Variants in KCNB2 observed in about 807,000 individuals in gnomAD.
The protein encoded by KCNB2 is potassium voltage-gated channel subfamily B member 2, also known as delayed rectifier potassium channel protein.
Under a neutral mutation model 61.5 loss-of-function variants are expected in KCNB2, and 15 were observed. The ratio of observed to expected loss-of-function variants is 0.24; its 90% CI spans 0.16 to 0.38. The LOEUF (loss-of-function observed/expected upper bound fraction) is 0.38, where lower values mean the gene tolerates loss of function less well. KCNB2 is among the 10% of genes least tolerant of loss of function. KCNB2 has a pLI of 1.00. For missense variants in KCNB2, 828 were observed against 1,125.2 expected (o/e 0.74, Z 3.78); for synonymous variants, 457 against 446.0 (o/e 1.02, Z -0.31).
At chr8:72,580,802 T>G (rs1806879647) in intron 2 of KCNB2, among the ~76,000 whole-genome samples, 1 of 152,210 alleles carries the variant, frequency 6.6e-6, no homozygotes, top group Admixed American at 6.5e-5. Flanking sequence ...ACTATTGTTG[T>G]AAGTCATGAA....
intron 2 of KCNB2, among the ~76,000 whole-genome samples, chr8:72,843,559 G>T (rs10088069): frequency 0.85 from 129,728 of 152,082 alleles, 56,287 homozygotes; most frequent in Middle Eastern, 0.97. Flanking sequence ...CACTCTTATT[G>T]TGTGCAAGTC....
chr8:72,886,639 T>C (rs1805811134), intron 2 of KCNB2, among the ~76,000 whole-genome samples: 1 of 152,202 alleles, frequency 6.6e-6, no homozygotes. Flanking sequence ...ACCCCTGAGC[T>C]CATTCAGCTT....
At chr8:72,604,615 T>C (rs1242355230) in intron 2 of KCNB2, among the ~76,000 whole-genome samples, 1 of 152,240 alleles carries the variant, frequency 6.6e-6, no homozygotes, top group African/African-American at 2.4e-5. Flanking sequence ...AAAAATCACC[T>C]AATGAAGTGT....
At chr8:72,727,475 G>A (rs1340391225) in intron 2 of KCNB2, among the ~76,000 whole-genome samples, 1 of 152,158 alleles carries the variant, frequency 6.6e-6, no homozygotes, top group Non-Finnish European at 1.5e-5. Context: ...TTATAAAGTG[G>A]AAGCATTTTT....
chr8:72,573,155 C>A (rs1188262922), intron 2 of KCNB2, among the ~76,000 whole-genome samples: 1 of 140,648 alleles, frequency 7.1e-6, no homozygotes, highest in Non-Finnish European at 1.5e-5. Flanking sequence ...TTTCAAGCCA[C>A]AGAAATAGTA....
intron 2 of KCNB2, among the ~76,000 whole-genome samples, chr8:72,836,943 C>T: frequency 6.6e-6 from 1 of 152,176 alleles, no homozygotes. Context: ...ATATTATCAA[C>T]AGCTTTCTCC....
At chr8:72,800,593 G>T (rs1809109173) in intron 2 of KCNB2, among the ~76,000 whole-genome samples, 1 of 151,968 alleles carries the variant, frequency 6.6e-6, no homozygotes, top group African/African-American at 2.4e-5. Flanking sequence ...AAAAAATATG[G>T]TTATTACCCA....
chr8:72,553,746 A>C lies in KCNB2; in HGVS notation c.-93-13896A>C, dbSNP rs192345161. Among the ~76,000 whole-genome samples the C allele has an allele frequency of 1.9e-4, 29 of 152,222 alleles. No homozygotes were observed. In the East Asian group the frequency reaches 5.6e-3, roughly 29 times the overall value. On this transcript the variant is annotated intron_variant, in intron 1 of 2. Transcript: ENST00000523207. ...CCAAATAATTTCCAGCATAATAAAC[A>C]CAATTTGTAAACATCTATATGAAGC...
chr8:72,574,525 A>G (rs1402577448), intron 2 of KCNB2, among the ~76,000 whole-genome samples: 3 of 152,176 alleles, frequency 2.0e-5, no homozygotes, highest in African/African-American at 7.2e-5. Flanking sequence ...CCCAAGAATC[A>G]TGCACTTTTT....
chr8:72,575,117 G>A (rs1261447292), intron 2 of KCNB2, among the ~76,000 whole-genome samples: 2 of 152,124 alleles, frequency 1.3e-5, no homozygotes, highest in Admixed American at 6.5e-5. Flanking sequence ...AAGCATTTAT[G>A]TTCTGTAGTG....
At position 72,936,814 on chromosome 8, in the gene KCNB2, C is replaced by G. The variant is rs145767327; in HGVS notation, c.1459C>G (p.Leu487Val). 5.0e-6 allele frequency: 8 copies of G among 1,614,138 alleles called. No homozygotes were observed. Among genetic ancestry groups the G allele is most frequent in the Non-Finnish European group, 6.8e-6 (8 of 1,180,018 alleles). Reference sequence around the variant, plus strand: ...AAAGGACTCCGCCGACGATAATCACCTGTCGCCAAGCCGGTGGAAGTGGGC... The same window carrying G: ...AAAGGACTCCGCCGACGATAATCACGTGTCGCCAAGCCGGTGGAAGTGGGC... ...NTKDSADDNH[L>V]SPSRWKWARK... Residue 487 changes from leucine to valine, a missense_variant, in exon 3 of 3, where the codon CTG becomes GTG. Coordinates refer to ENST00000523207, the MANE Select transcript of KCNB2 (RefSeq NM_004770.3). This position sits in a 1 kb window ranked among gnomAD's most constrained non-coding sequence, Gnocchi z 5.6.
At chr8:72,855,177 C>T (rs1208740074) in intron 2 of KCNB2, among the ~76,000 whole-genome samples, 1 of 152,160 alleles carries the variant, frequency 6.6e-6, no homozygotes, top group African/African-American at 2.4e-5. Context: ...AGTCTGAATC[C>T]ATCGTCCACA....
chr8:72,833,899 T>C (rs1809737353), intron 2 of KCNB2, among the ~76,000 whole-genome samples: 1 of 152,164 alleles, frequency 6.6e-6, no homozygotes, highest in South Asian at 2.1e-4. Context: ...CCTGTTAATT[T>C]TGTTTCTTTT....
chr8:72,671,771 C>T (rs1350134080), intron 2 of KCNB2, among the ~76,000 whole-genome samples: 1 of 152,164 alleles, frequency 6.6e-6, no homozygotes, highest in African/African-American at 2.4e-5. Context: ...CAGGCAGAGG[C>T]TTGAAAATGC....
At chr8:72,584,227 A>T (rs2128980785) in intron 2 of KCNB2, among the ~76,000 whole-genome samples, 1 of 152,334 alleles carries the variant, frequency 6.6e-6, no homozygotes, top group Admixed American at 6.5e-5. Flanking sequence ...TAAAAAAGTC[A>T]ATCAGAGACA....
intron 2 of KCNB2, among the ~76,000 whole-genome samples, chr8:72,724,882 AG>A (rs1807607304): frequency 6.6e-6 from 1 of 152,184 alleles, no homozygotes; most frequent in South Asian, 2.1e-4. Context: ...TAGAAGTCAC[AG>A]GTTGTCATTC....
At chr8:72,847,815 G>A (rs1186415366) in intron 2 of KCNB2, among the ~76,000 whole-genome samples, 4 of 152,136 alleles carry the variant, frequency 2.6e-5, no homozygotes, top group Admixed American at 6.5e-5. Context: ...ATGGTTGAGA[G>A]ACTCACTAGA....
At chr8:72,646,822 C>T (rs1046484906) in intron 2 of KCNB2, among the ~76,000 whole-genome samples, 2 of 152,144 alleles carry the variant, frequency 1.3e-5, no homozygotes, top group Admixed American at 1.3e-4. Context: ...GGTCACACAA[C>T]AGTGTGAATG....
chr8:72,627,913 T>C lies in KCNB2; in HGVS notation c.579+59600T>C, dbSNP rs1018310614. Among the ~76,000 whole-genome samples, 3 of 152,160 alleles carry C rather than the reference T, an allele frequency of 2.0e-5. No individual in the cohort carries two copies. In the South Asian group the frequency reaches 6.2e-4, roughly 32 times the overall value. On this transcript the variant is annotated intron_variant, in intron 2 of 2. Coordinates refer to ENST00000523207, the MANE Select transcript of KCNB2 (RefSeq NM_004770.3). ...ATGTGTAAAACTGTGTTATTTTTAT[T>C]AGATTAAAAAAAATGTTTCCCTGAT...
Sources: allele counts gnomAD v4.1 joint callset (sites outside exome capture counted in the v4.1 genomes callset), GRCh38; gene constraint gnomAD v4.1.1; non-coding constraint Gnocchi (gnomAD v3.1); transcripts MANE v1.5; gene names NCBI Gene and HGNC (gene_info 2026-07-23, HGNC 2026-07-21).